Variants in PTPRK observed in about 807,000 individuals in gnomAD.
PTPRK encodes receptor-type tyrosine-protein phosphatase kappa.
Under a neutral mutation model 178.0 loss-of-function variants are expected in PTPRK, and 75 were observed. The observed-to-expected ratio is 0.42, with a 90% CI of 0.35 to 0.51. The LOEUF is 0.51. Ranked by LOEUF, PTPRK falls within the 20% of genes least tolerant of loss-of-function variation. The pLI, the probability that PTPRK is intolerant of heterozygous loss-of-function variation, is 0.02. For synonymous variants in PTPRK, 637 were observed against 620.6 expected, an observed-to-expected ratio of 1.03 and a Z score of -0.39; for missense variants, 1,441 against 1,797.8, an observed-to-expected ratio of 0.80 and a Z score of 3.59.
chr6:128,041,762 ATG>A (rs1777203964), intron 13 of PTPRK, among the ~76,000 whole-genome samples: 2 of 151,838 alleles, frequency 1.3e-5, no homozygotes, highest in South Asian at 4.2e-4. Context: ...ATGTGTGTAT[ATG>A]TGTGACTGTG....
chr6:128,358,527 G>A (rs7754771), intron 2 of PTPRK, among the ~76,000 whole-genome samples: 147,815 of 152,350 alleles, frequency 0.97, 71,848 homozygotes, highest in East Asian at 1. Flanking sequence ...GAAGAAAAAC[G>A]TGAAAAGAAG....
chr6:128,424,170 C>A (rs917207635), intron 1 of PTPRK, among the ~76,000 whole-genome samples: 3 of 152,010 alleles, frequency 2.0e-5, no homozygotes, highest in African/African-American at 7.3e-5. Context: ...GAGTTCAAGG[C>A]TGCAGTGAGT....
chr6:128,010,713 G>A (rs1390475323), intron 13 of PTPRK, among the ~76,000 whole-genome samples: 1 of 151,220 alleles, frequency 6.6e-6, no homozygotes, highest in Non-Finnish European at 1.5e-5. Context: ...CGTCAGAACA[G>A]TTAACTTTGT....
chr6:128,440,448 A>G (rs1258733193), intron 1 of PTPRK, among the ~76,000 whole-genome samples: 1 of 152,240 alleles, frequency 6.6e-6, no homozygotes, highest in East Asian at 1.9e-4. Flanking sequence ...ATGCTAAAGT[A>G]TGATTTTTAA....
At chr6:128,398,031 C>T (rs1312931931) in intron 1 of PTPRK, among the ~76,000 whole-genome samples, 1 of 152,030 alleles carries the variant, frequency 6.6e-6, no homozygotes, top group South Asian at 2.1e-4. Context: ...AGGTTCTTGG[C>T]GTCTTGAACA....
chr6:128,178,701 A>ATC (rs1194563115), intron 7 of PTPRK, among the ~76,000 whole-genome samples: 112 of 149,214 alleles, frequency 7.5e-4, no homozygotes, highest in African/African-American at 2.6e-3. Flanking sequence ...CTATCTATCT[A>ATC]TATGCATGTT....
intron 1 of PTPRK, among the ~76,000 whole-genome samples, chr6:128,454,044 C>T (rs993114308): frequency 6.6e-6 from 1 of 152,062 alleles, no homozygotes; most frequent in African/African-American, 2.4e-5. Context: ...CATTTTGCAG[C>T]CCTTAATGGA....
At chr6:128,385,356 T>C (rs538821121) in intron 2 of PTPRK, among the ~76,000 whole-genome samples, 1 of 152,264 alleles carries the variant, frequency 6.6e-6, no homozygotes, top group South Asian at 2.1e-4. Context: ...TAAATTTGTT[T>C]GGTATGTTCC....
intron 7 of PTPRK, among the ~76,000 whole-genome samples, chr6:128,139,548 A>T (rs1236636439): frequency 6.6e-6 from 1 of 152,092 alleles, no homozygotes; most frequent in Non-Finnish European, 1.5e-5. Flanking sequence ...GGTCTTTTGA[A>T]TGATCAGAGT....
intron 3 of PTPRK, among the ~76,000 whole-genome samples, chr6:128,249,299 A>T (rs73772016): frequency 1.4e-4 from 17 of 117,574 alleles, no homozygotes; most frequent in African/African-American, 3.5e-4. Context: ...GGTGTGATTT[A>T]AAAAAAAAAA....
intron 1 of PTPRK, among the ~76,000 whole-genome samples, chr6:128,416,602 C>T (rs1166709384): frequency 6.7e-6 from 1 of 148,452 alleles, no homozygotes; most frequent in African/African-American, 2.5e-5. Flanking sequence ...GAGCCGAGAT[C>T]ACGCCACTGC....
At chr6:128,157,590 T>A (rs943970843) in intron 7 of PTPRK, among the ~76,000 whole-genome samples, 1 of 151,930 alleles carries the variant, frequency 6.6e-6, no homozygotes, top group African/African-American at 2.4e-5. Context: ...ATATAAATAC[T>A]CAAGAAAAAT....
chr6:128,493,625 C>G, intron 1 of PTPRK, among the ~76,000 whole-genome samples: 1 of 132,390 alleles, frequency 7.6e-6, no homozygotes, highest in African/African-American at 2.5e-5. Flanking sequence ...CACACACACA[C>G]ACACACACAC....
intron 1 of PTPRK, among the ~76,000 whole-genome samples, chr6:128,503,119 A>G (rs144388656): frequency 0.016 from 2,401 of 152,294 alleles, 28 homozygotes; most frequent in Non-Finnish European, 0.026. Context: ...TCAGCTACTC[A>G]GGAGGATGAG....
chr6:128,263,143 A>G (rs1358959391), intron 3 of PTPRK, among the ~76,000 whole-genome samples: 1 of 152,144 alleles, frequency 6.6e-6, no homozygotes. Context: ...AGAATCAGTC[A>G]AGACTGGGGT....
At chr6:128,321,532 T>G (rs2128320851) in intron 3 of PTPRK, 1 of 381,612 alleles carries the variant, frequency 2.6e-6, no homozygotes, top group South Asian at 5.2e-5. Context: ...ATTCAATTAA[T>G]TAATCAAAAT....
At chr6:128,235,487 G>A in intron 5 of PTPRK, 1 of 381,298 alleles carries the variant, frequency 2.6e-6, no homozygotes, top group Non-Finnish European at 5.6e-6. Context: ...ATAGCTTCAA[G>A]TTATGAATCA....
intron 1 of PTPRK, among the ~76,000 whole-genome samples, chr6:128,473,228 A>G (rs1027656789): frequency 1.3e-5 from 2 of 151,862 alleles, no homozygotes; most frequent in Admixed American, 6.6e-5. Flanking sequence ...CAATTTCTCT[A>G]TTTGGATTTG....
intron 1 of PTPRK, among the ~76,000 whole-genome samples, chr6:128,510,926 A>G (rs1159445757): frequency 2.0e-5 from 3 of 152,088 alleles, no homozygotes; most frequent in Admixed American, 1.3e-4. Context: ...ATACATTAAA[A>G]TCTTTAATTT....
Sources: gnomAD v4.1 joint callset for allele counts (sites outside exome capture counted in the v4.1 genomes callset) on GRCh38, gnomAD v4.1.1 for gene constraint, MANE v1.5 for transcripts, NCBI Gene and HGNC (gene_info 2026-07-23, HGNC 2026-07-21) for gene names.